The following CCDC146 variants were observed in gnomAD, a reference collection of about 807,000 sequenced individuals.
CCDC146 encodes coiled-coil domain-containing protein 146.
CCDC146 carries 92 observed loss-of-function variants against 119.3 expected under a neutral mutation model. The observed-to-expected ratio is 0.77, with a 90% confidence interval of 0.65 to 0.92. CCDC146 has a LOEUF of 0.92. Among genes scored for constraint, CCDC146 ranks in the 40% least tolerant of loss-of-function variants. The pLI is 0.00. For missense variants in CCDC146, 1,000 were observed against 1,103.0 expected (o/e 0.91, Z 1.32); for synonymous variants, 372 against 371.8 (o/e 1.00, Z -0.01).
At chr7:77,261,772 C>T (rs1351873613) in intron 8 of CCDC146, among the ~76,000 whole-genome samples, 2 of 152,246 alleles carry the variant, frequency 1.3e-5, no homozygotes, top group African/African-American at 4.8e-5. Context: ...CCACCGCGCC[C>T]AGCCCTCATT....
chr7:77,230,840 T>A (rs1169265567), intron 2 of CCDC146, among the ~76,000 whole-genome samples: 4 of 152,222 alleles, frequency 2.6e-5, no homozygotes, highest in Admixed American at 2.6e-4. Context: ...TGTAATTTAG[T>A]GGGATTAATG....
intron 8 of CCDC146, among the ~76,000 whole-genome samples, chr7:77,261,519 G>A (rs993791417): frequency 1.3e-5 from 2 of 151,806 alleles, no homozygotes; most frequent in African/African-American, 2.4e-5. Context: ...CGCCCAGGCC[G>A]GACTGCGGAC....
intron 5 of CCDC146, 44 bp downstream of exon 5, chr7:77,254,607 C>A: frequency 1.9e-6 from 2 of 1,031,608 alleles, no homozygotes; most frequent in Non-Finnish European, 1.5e-6. Context: ...CAGCTGGATT[C>A]AATCATCCCT....
Position 77,151,143 on chromosome 7 carries a change from T to C in CCDC146, c.-11-16515T>C, listed in dbSNP as rs377418777. Among the ~76,000 whole-genome samples, 9 of 152,302 alleles carry C rather than the reference T, an allele frequency of 5.9e-5. No individual in the cohort carries two copies. In the East Asian group the frequency reaches 1.7e-3, roughly 29 times the overall value. On this transcript the variant is annotated intron_variant, in intron 1 of 18. Coordinates refer to ENST00000285871, the MANE Select transcript of CCDC146 (RefSeq NM_020879.3). The stretch of plus-strand genomic sequence containing the variant: ...GCCAACTTCTCATTGTAGCCTCACA[T>C]GGCAGAAAGCAAGCTAGCTCTGTGG...
Position 77,287,594 on chromosome 7 carries a change from G to T in CCDC146, c.2415+17G>T, listed in dbSNP as rs777326624. On this transcript the variant is annotated intron_variant, in intron 17 of 18. Transcript: ENST00000285871. ...GCCAAGAAGGTAGGCCTGAGACCCT[G>T]CCTTTTCCCTTCTGCCCCTGCTCCT... The T allele has an allele frequency of 1.2e-6, 2 of 1,607,562 alleles. No homozygotes were observed. Among genetic ancestry groups the T allele is most frequent in the Non-Finnish European group, 8.5e-7 (1 of 1,176,976 alleles).
At chr7:77,135,499 AAGAG>A (rs1205033457) in intron 1 of CCDC146, among the ~76,000 whole-genome samples, 3 of 152,136 alleles carry the variant, frequency 2.0e-5, no homozygotes, top group South Asian at 4.1e-4. Flanking sequence ...GAGCGAAAGA[AAGAG>A]AGAGGAAGAG....
At chr7:77,253,813 A>G (rs1394214127) in intron 4 of CCDC146, among the ~76,000 whole-genome samples, 1 of 152,248 alleles carries the variant, frequency 6.6e-6, no homozygotes, top group Non-Finnish European at 1.5e-5. Flanking sequence ...ACAGGTCTGC[A>G]TGAAGCAAGA....
chr7:77,180,254 A>G (rs1286490016), intron 2 of CCDC146, among the ~76,000 whole-genome samples: 1 of 145,498 alleles, frequency 6.9e-6, no homozygotes, highest in Non-Finnish European at 1.5e-5. Flanking sequence ...TATGTACCAT[A>G]TATATGCACC....
At chr7:77,125,537 G>GAAAA (rs1185941431) in intron 1 of CCDC146, among the ~76,000 whole-genome samples, 105 of 151,470 alleles carry the variant, frequency 6.9e-4, no homozygotes, top group Non-Finnish European at 1.2e-3. Context: ...CAATTTTAAA[G>GAAAA]CATTTCTTAG....
At position 77,290,631 on chromosome 7, in the gene CCDC146, A is replaced by G. The variant is rs140265462; in HGVS notation, c.2416-2321A>G. On this transcript the variant is annotated intron_variant, in intron 17 of 18. Coordinates refer to ENST00000285871, the MANE Select transcript of CCDC146 (RefSeq NM_020879.3). ...GTCTGTTAGTGGAAGTTGTCAAAGCAGAAGCCTAGAAGTCAAATAAAAATG... is the reference window on the plus strand; with the variant it reads ...GTCTGTTAGTGGAAGTTGTCAAAGCGGAAGCCTAGAAGTCAAATAAAAATG... 5.0e-3 allele frequency among the ~76,000 whole-genome samples: 767 copies of G among 152,376 alleles called. 4 individuals are homozygous for G. Among genetic ancestry groups the G allele is most frequent in the African/African-American group, 0.017 (721 of 41,590 alleles).
intron 2 of CCDC146, among the ~76,000 whole-genome samples, chr7:77,172,891 C>G (rs949440700): frequency 6.6e-6 from 1 of 152,134 alleles, no homozygotes; most frequent in African/African-American, 2.4e-5. Context: ...TGTTCCTAAC[C>G]TTTGAGATCC....
chr7:77,173,067 C>T (rs1791447510), intron 2 of CCDC146, among the ~76,000 whole-genome samples: 1 of 152,012 alleles, frequency 6.6e-6, no homozygotes, highest in Admixed American at 6.5e-5. Flanking sequence ...AGGGGAACAA[C>T]ACACACCAGG....
intron 2 of CCDC146, among the ~76,000 whole-genome samples, chr7:77,180,738 G>A (rs533010506): frequency 3.9e-5 from 6 of 152,170 alleles, no homozygotes; most frequent in South Asian, 2.1e-4. Context: ...ATATATACCC[G>A]GAAGTGGAAT....
rs1793262777 is a variant in CCDC146, at chr7:77,260,027, A to T, written c.777A>T (p.Lys259Asn). Residue 259 changes from lysine (K) to asparagine (N), a missense_variant, in exon 8 of 19, where the codon AAA (lysine) becomes AAT (asparagine). By Grantham distance (94) the Lys-to-Asn change is moderately conservative. Transcript: ENST00000285871. ...CCTACAGAGAAATGGAAAAGAAAAAAATTGTCTTGGAACAAGAAGTCAAAA... is the reference window on the plus strand; with the variant it reads ...CCTACAGAGAAATGGAAAAGAAAAATATTGTCTTGGAACAAGAAGTCAAAA... Reference protein sequence around the residue: ...TRKKVEMEKKKIVLEQEVKTL... With the variant: ...TRKKVEMEKKNIVLEQEVKTL... 6.2e-7 allele frequency: 1 copy of T among 1,610,632 alleles called. No homozygotes were observed. The highest frequency in any genetic ancestry group is 8.5e-7 in the Non-Finnish European group (1 of 1,178,776).
At position 77,256,052 on chromosome 7, in the gene CCDC146, T is replaced by A. The variant is rs138794500; in HGVS notation, c.508-281T>A. 8.5e-3 allele frequency among the ~76,000 whole-genome samples: 1,287 copies of A among 152,258 alleles called. 19 individuals are homozygous for A. The highest frequency in any genetic ancestry group is 0.029 in the African/African-American group (1,219 of 41,510). On this transcript the variant is annotated intron_variant, in intron 5 of 18. Transcript: ENST00000285871. ...AATTGACACATAAAATGAAACGTTT[T>A]TAAATGTAGGAGGATAGAAAAGAGC...
Position 77,196,781 on chromosome 7 carries a change from G to C in CCDC146, c.156+28957G>C. Reference sequence around the variant, plus strand: ...TTCCCTTCTGAGGTTTCCAAAGCCTGCTTTGTAGTCTTGCCATGTTCTGGT... The same window carrying C: ...TTCCCTTCTGAGGTTTCCAAAGCCTCCTTTGTAGTCTTGCCATGTTCTGGT... On this transcript the variant is annotated intron_variant, in intron 2 of 18. Coordinates refer to ENST00000285871, the MANE Select transcript of CCDC146 (RefSeq NM_020879.3). The surrounding 1 kb of genome is among the most constrained non-coding windows in gnomAD (Gnocchi z 4.2). 2 of 1,614,116 alleles carry C rather than the reference G, an allele frequency of 1.2e-6. No individual in the cohort carries two copies. The highest frequency in any genetic ancestry group is 1.7e-6 in the Non-Finnish European group (2 of 1,180,018).
intron 3 of CCDC146, 78 bp from the exon 4 acceptor site, chr7:77,241,613 T>A: frequency 8.1e-7 from 1 of 1,228,202 alleles, no homozygotes; most frequent in Non-Finnish European, 1.2e-6. Context: ...GGAGCAGCTA[T>A]CCTCACTAGA....
In CCDC146 at chr7:77,287,266, C is replaced by T. The variant is rs781660565; in HGVS notation, c.2278-174C>T. The T allele has an allele frequency of 8.3e-5, 53 of 641,874 alleles. No individual in the cohort carries two copies. The Middle Eastern group carries it at 1.7e-3, about 20-fold the overall frequency. The allele number at this position is 641,874 out of a possible 1,614,324, so 39.8% of individuals were successfully genotyped here. A position where few individuals can be genotyped will look rare whatever the true frequency, so the allele number is the denominator to read the frequency against. On this transcript the variant is annotated intron_variant, in intron 16 of 18. Transcript: ENST00000285871. ...TAGATAGAGCTGAGGGGGCCATACTCGAACTCCCAGAGGTATCTGCAGGGG... is the reference window on the plus strand; with the variant it reads ...TAGATAGAGCTGAGGGGGCCATACTTGAACTCCCAGAGGTATCTGCAGGGG...
chr7:77,262,851 C>A (rs1793327149), intron 9 of CCDC146, among the ~76,000 whole-genome samples: 2 of 152,188 alleles, frequency 1.3e-5, no homozygotes, highest in African/African-American at 4.8e-5. Flanking sequence ...CCTCTGTGTT[C>A]CCAAGTGAGG....
Sources: gnomAD v4.1 joint callset for allele counts (sites outside exome capture counted in the v4.1 genomes callset) on GRCh38, gnomAD v4.1.1 for gene constraint, Gnocchi (gnomAD v3.1) non-coding constraint, MANE v1.5 for transcripts, NCBI Gene and HGNC (gene_info 2026-07-23, HGNC 2026-07-21) for gene names.